The following NUP205 variants were observed in gnomAD, a reference collection of about 807,000 sequenced individuals.
NUP205 encodes the protein nucleoporin 205.
NUP205 carries 76 observed loss-of-function variants against 253.8 expected under a neutral mutation model. That is an observed-to-expected ratio of 0.30 (90% CI 0.25 to 0.36). The LOEUF (loss-of-function observed/expected upper bound fraction) is 0.36, where lower values mean the gene tolerates loss of function less well. Among genes scored for constraint, NUP205 ranks in the 10% least tolerant of loss-of-function variants. NUP205 has a pLI of 1.00. For missense variants in NUP205, 2,162 were observed against 2,425.5 expected (o/e 0.89, Z 2.28); for synonymous variants, 832 against 850.1 (o/e 0.98, Z 0.37).
chr7:135,643,762 G>A (rs1450157073), intron 39 of NUP205, among the ~76,000 whole-genome samples: 4 of 152,062 alleles, frequency 2.6e-5, no homozygotes, highest in Non-Finnish European at 4.4e-5. Flanking sequence ...TATGAGACTT[G>A]ACTGCCTTCC....
chr7:135,577,474 C>T (rs1337507213), intron 5 of NUP205, among the ~76,000 whole-genome samples: 1 of 152,032 alleles, frequency 6.6e-6, no homozygotes, highest in South Asian at 2.1e-4. Context: ...GTAGTCAGCT[C>T]GTAATGTATA....
At chr7:135,601,836 A>T (rs1256351992) in intron 17 of NUP205, among the ~76,000 whole-genome samples, 3 of 152,178 alleles carry the variant, frequency 2.0e-5, no homozygotes, top group Non-Finnish European at 4.4e-5. Context: ...TTTTAAAAGG[A>T]CTTACTATAG....
intron 1 of NUP205, among the ~76,000 whole-genome samples, chr7:135,567,156 A>T (rs187074683): frequency 1.1e-5 from 1 of 94,118 alleles, no homozygotes; most frequent in African/African-American, 4.0e-5. Context: ...ATATATATAT[A>T]TATATATATA....
intron 30 of NUP205, 57 bp downstream of exon 30, chr7:135,619,945 G>GA (rs140432201): frequency 0.038 from 39,380 of 1,035,784 alleles, 489 homozygotes; most frequent in Middle Eastern, 0.081. Context: ...ACTTTAAATT[G>GA]AAAAAAAAAA....
Position 135,606,186 on chromosome 7 carries a change from G to A in NUP205, c.2865G>A (p.Leu955=), listed in dbSNP as rs1173101719. The A allele has an allele frequency of 1.9e-6, 3 of 1,612,966 alleles. No individual in the cohort carries two copies. Among genetic ancestry groups the A allele is most frequent in the Middle Eastern group, 1.6e-4 (1 of 6,078 alleles). ...TAATGGCTGGATTTGTGGAGTGTTT[G>A]GATTGTGAAGATGCAGAAGAATTTG... is the stretch of plus-strand genomic sequence containing the variant. ...QKLMAGFVEC[L]DCEDAEEFVR... The change falls in exon 20 of 43, where the codon TTG becomes TTA. Residue 955 remains leucine (L), a synonymous_variant. Coordinates refer to ENST00000285968, the MANE Select transcript of NUP205 (RefSeq NM_015135.3).
chr7:135,613,298 A>G (rs1300383596), intron 22 of NUP205, among the ~76,000 whole-genome samples: 1 of 151,834 alleles, frequency 6.6e-6, no homozygotes, highest in African/African-American at 2.4e-5. Flanking sequence ...ATCTTTATAT[A>G]TATTAGAGCT....
rs1563130687 is a variant in NUP205, at chr7:135,617,699, A to G, written c.3771+17A>G. The G allele has an allele frequency of 1.3e-6, 2 of 1,531,142 alleles. No homozygotes were observed. Among genetic ancestry groups the G allele is most frequent in the South Asian group, 1.1e-5 (1 of 87,202 alleles). 94.8% of individuals were successfully genotyped at this position (1,531,142 alleles called of 1,614,324 possible). A position where few individuals can be genotyped will look rare whatever the true frequency, so the allele number is the denominator to read the frequency against. ...CTAATGGAGGTAAGCTCTATTGAGTATGTGTTCGTTTCAAACTTCTAACTA... is the reference window on the plus strand; with the variant it reads ...CTAATGGAGGTAAGCTCTATTGAGTGTGTGTTCGTTTCAAACTTCTAACTA... On this transcript the variant is annotated intron_variant, in intron 27 of 42. Transcript: ENST00000285968.
At chr7:135,597,571 G>T (rs1415758559) in intron 14 of NUP205, among the ~76,000 whole-genome samples, 153 bp downstream of exon 14, 1 of 152,130 alleles carries the variant, frequency 6.6e-6, no homozygotes, top group African/African-American at 2.4e-5. Context: ...AAATAGAGAT[G>T]AAACTTTTAA....
At chr7:135,596,092 G>A (rs1306900064) in intron 13 of NUP205, among the ~76,000 whole-genome samples, 7 of 151,998 alleles carry the variant, frequency 4.6e-5, no homozygotes, top group African/African-American at 1.7e-4. Flanking sequence ...GTGCCACCAC[G>A]CCCAGCTAAT....
At chr7:135,582,301 G>A (rs140536914) in intron 7 of NUP205, among the ~76,000 whole-genome samples, 209 of 152,156 alleles carry the variant, frequency 1.4e-3, no homozygotes, top group Middle Eastern at 3.4e-3. Flanking sequence ...AATAAAAGAC[G>A]TAATCTTTGA....
chr7:135,607,352 T>G lies in NUP205; in HGVS notation c.3176T>G (p.Leu1059Arg). The stretch of plus-strand genomic sequence containing the variant: ...GTGGCGGTGCGAGAATCTCCTCAGC[T>G]GGCTGAGCTATGTTACCAGGTACAC... ...GPVAVRESPQLAELCYQVIYQ... is the reference protein window; with the variant it reads ...GPVAVRESPQRAELCYQVIYQ... The change falls in exon 22 of 43, where the codon CTG becomes CGG. Residue 1059 changes from leucine to arginine, a missense_variant. Physicochemically the swap from Leu to Arg is moderately radical, Grantham distance 102. Coordinates refer to ENST00000285968, the MANE Select transcript of NUP205 (RefSeq NM_015135.3). 1 of 1,613,932 alleles carries G rather than the reference T, an allele frequency of 6.2e-7. No homozygotes were observed. The highest frequency in any genetic ancestry group is 1.3e-5 in the African/African-American group (1 of 75,052).
At chr7:135,615,885 G>C (rs1794345632) in intron 23 of NUP205, 31 bp from the exon 24 acceptor site, 1 of 1,570,668 alleles carries the variant, frequency 6.4e-7, no homozygotes. Flanking sequence ...TTATTACTCT[G>C]GGAAACAAAA....
intron 7 of NUP205, among the ~76,000 whole-genome samples, chr7:135,583,111 A>G (rs1806354210): frequency 6.6e-6 from 1 of 151,996 alleles, no homozygotes; most frequent in South Asian, 2.1e-4. Flanking sequence ...TAAATAAATA[A>G]TAAAAATGAA....
Position 135,604,365 on chromosome 7 carries a change from C to A in NUP205, c.2728C>A (p.Pro910Thr). Residue 910 changes from proline to threonine, a missense_variant, in exon 19 of 43, where the codon CCA (proline) becomes ACA (threonine). Pro to Thr is a conservative substitution (Grantham distance 38). This residue lies in a region of NUP205 where 892 missense variants were observed against 957.1 expected (regional missense o/e 0.93). Coordinates refer to ENST00000285968, the MANE Select transcript of NUP205 (RefSeq NM_015135.3). ...ATACCTATATCATGGCAATACTAATCCAGAATTGGCTTTTGAAAGTGCCAA... is the reference window on the plus strand; with the variant it reads ...ATACCTATATCATGGCAATACTAATACAGAATTGGCTTTTGAAAGTGCCAA... Reference protein sequence around the residue: ...ARYLYHGNTNPELAFESAKIL... With the variant: ...ARYLYHGNTNTELAFESAKIL... 1 of 1,611,644 alleles carries A rather than the reference C, an allele frequency of 6.2e-7. No individual in the cohort carries two copies. Among genetic ancestry groups the A allele is most frequent in the South Asian group, 1.1e-5 (1 of 90,548 alleles).
chr7:135,564,245 ATTTTTTT>A (rs35094813), intron 1 of NUP205, among the ~76,000 whole-genome samples: 64 of 124,014 alleles, frequency 5.2e-4, no homozygotes, highest in African/African-American at 8.9e-4. Context: ...ATGCCCAGCT[ATTTTTTT>A]TTTTTTTTTT....
intron 22 of NUP205, among the ~76,000 whole-genome samples, chr7:135,609,540 T>G (rs1275870331): frequency 6.8e-6 from 1 of 146,658 alleles, no homozygotes; most frequent in Non-Finnish European, 1.5e-5. Context: ...CCCAGCTACT[T>G]GGGAAGCTGA....
Position 135,584,892 on chromosome 7 carries a change from T to C in NUP205, c.1103T>C (p.Val368Ala). ...GCAGAACTCGCAATTGCTGACAACGTTTTCCTGTTCCTCATGGAATCTGTA... is the reference window on the plus strand; with the variant it reads ...GCAGAACTCGCAATTGCTGACAACGCTTTCCTGTTCCTCATGGAATCTGTA... ...AMAELAIADNVFLFLMESVVV... is the reference protein window; with the variant it reads ...AMAELAIADNAFLFLMESVVV... The change falls in exon 8 of 43, where the codon GTT (valine) becomes GCT (alanine). Residue 368 changes from valine to alanine, a missense_variant. Around this residue, in one of 5 missense-constraint regions of NUP205, gnomAD observed 892 missense variants for 957.1 expected, o/e 0.93. Transcript: ENST00000285968. 1 of 1,614,030 alleles carries C rather than the reference T, an allele frequency of 6.2e-7. No homozygotes were observed. Among genetic ancestry groups the C allele is most frequent in the Non-Finnish European group, 8.5e-7 (1 of 1,179,902 alleles).
At chr7:135,563,199 A>AT (rs1430746877) in intron 1 of NUP205, among the ~76,000 whole-genome samples, 1 of 150,824 alleles carries the variant, frequency 6.6e-6, no homozygotes, top group Non-Finnish European at 1.5e-5. Context: ...TTATTTTTTT[A>AT]TTTTTTGAGA....
At chr7:135,619,927 A>G (rs1283222820) in intron 30 of NUP205, 39 bp downstream of exon 30, 1 of 1,304,630 alleles carries the variant, frequency 7.7e-7, no homozygotes, top group Admixed American at 2.0e-5. Flanking sequence ...CTGGATTGGG[A>G]GATGGTTACT....
Sources: allele counts gnomAD v4.1 joint callset (sites outside exome capture counted in the v4.1 genomes callset), GRCh38; gene constraint gnomAD v4.1.1; regional missense constraint gnomAD v4.1.1; transcripts MANE v1.5; gene names NCBI Gene and HGNC (gene_info 2026-07-23, HGNC 2026-07-21).